The following SLC25A36 variants were observed in gnomAD, a reference collection of about 807,000 sequenced individuals.
SLC25A36 encodes the protein solute carrier family 25 member 36.
Under a neutral mutation model 35.3 loss-of-function variants are expected in SLC25A36, and 24 were observed. That is an observed-to-expected ratio of 0.68 (90% CI 0.49 to 0.96). SLC25A36 has a LOEUF of 0.96. Ranked by LOEUF, SLC25A36 falls within the 40% of genes least tolerant of loss-of-function variation. SLC25A36 has a pLI of 0.00. For synonymous variants in SLC25A36, 141 were observed against 132.2 expected, an observed-to-expected ratio of 1.07 and a Z score of -0.46; for missense variants, 294 against 381.1, an observed-to-expected ratio of 0.77 and a Z score of 1.90.
intron 2 of SLC25A36, among the ~76,000 whole-genome samples, chr3:140,958,841 A>G (rs1224572372): frequency 1.3e-5 from 2 of 151,858 alleles, no homozygotes; most frequent in East Asian, 3.9e-4. Flanking sequence ...ATAATGTAGA[A>G]CTCTTTATCA....
rs1031453067 is a variant in SLC25A36, at chr3:140,956,890, A to C, written c.206+199A>C. The C allele has an allele frequency of 1.0e-5, 9 of 898,720 alleles. No homozygotes were observed. The African/African-American group carries it at 1.6e-4, about 16-fold the overall frequency. 55.7% of individuals were successfully genotyped at this position (898,720 alleles called of 1,614,324 possible). ...GACAGATAAGATAAAGTGTAATTTT[A>C]CTTCCAAATCATGTGTATTTAGAAT... is the stretch of plus-strand genomic sequence containing the variant. On this transcript the variant is annotated intron_variant, in intron 2 of 6. Coordinates refer to ENST00000324194, the MANE Select transcript of SLC25A36 (RefSeq NM_001104647.3).
At chr3:140,942,273 G>C (rs1934029857) in intron 1 of SLC25A36, among the ~76,000 whole-genome samples, 178 bp downstream of exon 1, 1 of 150,182 alleles carries the variant, frequency 6.7e-6, no homozygotes, top group African/African-American at 2.5e-5. Flanking sequence ...GGGTGGTGAG[G>C]GGGGCTCCGG....
At chr3:140,966,884 T>C in intron 4 of SLC25A36, 1 of 455,848 alleles carries the variant, frequency 2.2e-6, no homozygotes, top group Non-Finnish European at 4.4e-6. Context: ...ATGTTTCTGA[T>C]GAGGTCACTG....
At chr3:140,973,188 ACTT>A (rs2107816481) in intron 5 of SLC25A36, 1 of 152,338 alleles carries the variant, frequency 6.6e-6, no homozygotes, top group South Asian at 2.1e-4. Context: ...TCACCCTATC[ACTT>A]CTTGGGAGAA....
intron 1 of SLC25A36, among the ~76,000 whole-genome samples, chr3:140,950,918 C>CTGTGTGTCTGTGTGTCTGTGTGTG (rs1553726051): frequency 1.5e-5 from 2 of 136,376 alleles, no homozygotes; most frequent in African/African-American, 5.4e-5. Flanking sequence ...GTCTGTGTGT[C>CTGTGTGTCTGTGTGTCTGTGTGTG]TGTGTGTGTG....
chr3:140,962,357 A>G (rs1036928145), intron 3 of SLC25A36, among the ~76,000 whole-genome samples: 3 of 152,244 alleles, frequency 2.0e-5, no homozygotes, highest in South Asian at 4.1e-4. Flanking sequence ...CAGCAAGCAA[A>G]TAATTCAAAG....
intron 1 of SLC25A36, among the ~76,000 whole-genome samples, chr3:140,954,321 T>C (rs1300678029): frequency 6.6e-6 from 1 of 152,250 alleles, no homozygotes; most frequent in East Asian, 1.9e-4. Context: ...TCCCAGTTTT[T>C]AGCTATGAAT....
chr3:140,966,987 T>A (rs1286765559), intron 4 of SLC25A36: 1 of 456,300 alleles, frequency 2.2e-6, no homozygotes, highest in East Asian at 7.0e-5. Flanking sequence ...CATCTCATGC[T>A]CCCCATCCGC....
intron 1 of SLC25A36, among the ~76,000 whole-genome samples, chr3:140,950,615 T>G (rs1934293065): frequency 6.6e-6 from 1 of 152,222 alleles, no homozygotes; most frequent in African/African-American, 2.4e-5. Context: ...GAATACTTCT[T>G]TGTCCCAGAT....
intron 1 of SLC25A36, among the ~76,000 whole-genome samples, chr3:140,948,022 C>T (rs1381486089): frequency 6.6e-6 from 1 of 152,130 alleles, no homozygotes; most frequent in Non-Finnish European, 1.5e-5. Context: ...GGCACGATCT[C>T]GGCTCACTGC....
chr3:140,965,282 T>C (rs1201387573), intron 4 of SLC25A36: 1 of 151,786 alleles, frequency 6.6e-6, no homozygotes, highest in Non-Finnish European at 1.5e-5. Flanking sequence ...TCGGGGTTTT[T>C]TTTAGGATTA....
At chr3:140,961,258 A>T (rs774558449) in intron 3 of SLC25A36, among the ~76,000 whole-genome samples, 10 of 152,230 alleles carry the variant, frequency 6.6e-5, no homozygotes, top group Non-Finnish European at 1.5e-4. Flanking sequence ...TATCATATAC[A>T]TAAAAACATG....
intron 4 of SLC25A36, among the ~76,000 whole-genome samples, chr3:140,969,472 TTATAAAA>T (rs1380567955): frequency 6.6e-6 from 1 of 151,828 alleles, no homozygotes; most frequent in Non-Finnish European, 1.5e-5. Context: ...TATATAATCT[TTATAAAA>T]GTATTAAAGG....
chr3:140,975,094 A>ATTTTTTTTTTT (rs1272903563), intron 6 of SLC25A36, among the ~76,000 whole-genome samples: 3 of 24,230 alleles, frequency 1.2e-4, no homozygotes, highest in Non-Finnish European at 2.7e-4. Context: ...AACAAGATAC[A>ATTTTTTTTTTT]TTCTTTTTTT....
rs1438642326 is a variant in SLC25A36 at position 140,980,334 on chromosome 3, G to A, written c.*3881G>A. 6.6e-6 allele frequency among the ~76,000 whole-genome samples: 1 copy of A among 152,132 alleles called. No homozygotes were observed. The highest frequency in any genetic ancestry group is 1.5e-5 in the Non-Finnish European group (1 of 68,026). ...AAAATACAAATGACAAAGATAAAAT[G>A]CTATGTAGTGCCTACCCTCTTTACA... On this transcript the variant is annotated 3_prime_UTR_variant, in exon 7 of 7. Coordinates refer to ENST00000324194, the MANE Select transcript of SLC25A36 (RefSeq NM_001104647.3).
At chr3:140,963,527 T>G (rs1283320647) in intron 4 of SLC25A36, 1 of 192,360 alleles carries the variant, frequency 5.2e-6, no homozygotes. Flanking sequence ...AATTACACTA[T>G]AAATAAGTTA....
chr3:140,969,840 G>A lies in SLC25A36; in HGVS notation c.386-1087G>A, dbSNP rs909715640. ...CTCATCTTAAATGTACTGATCATTA[G>A]CCACCTTTATAAAAAGAATGTGCCT... On this transcript the variant is annotated intron_variant, in intron 4 of 6. Transcript: ENST00000324194. 2.6e-5 allele frequency among the ~76,000 whole-genome samples: 4 copies of A among 151,846 alleles called. No homozygotes were observed. The East Asian group carries it at 5.8e-4, about 22-fold the overall frequency.
At chr3:140,955,150 AC>A (rs553514391) in intron 1 of SLC25A36, among the ~76,000 whole-genome samples, 226 of 152,218 alleles carry the variant, frequency 1.5e-3, no homozygotes, top group Non-Finnish European at 2.5e-3. Context: ...TGTGGCATAT[AC>A]TAATACACCA....
intron 2 of SLC25A36, among the ~76,000 whole-genome samples, chr3:140,957,678 T>C (rs372118897): frequency 1.3e-5 from 2 of 152,080 alleles, no homozygotes; most frequent in African/African-American, 2.4e-5. Flanking sequence ...GAGGCAGAGG[T>C]TGCAGTGAGC....
Sources: allele counts gnomAD v4.1 joint callset (sites outside exome capture counted in the v4.1 genomes callset), GRCh38; gene constraint gnomAD v4.1.1; transcripts MANE v1.5; gene names NCBI Gene and HGNC (gene_info 2026-07-23, HGNC 2026-07-21).